Variants in SEMA5A observed in about 807,000 individuals in gnomAD.
The protein encoded by SEMA5A is semaphorin-5A.
In SEMA5A, 55 loss-of-function variants were observed where a neutral mutation model predicts 135.5. The ratio of observed to expected loss-of-function variants is 0.41; its 90% CI spans 0.33 to 0.51. The LOEUF (loss-of-function observed/expected upper bound fraction) is 0.51. Ranked by LOEUF, SEMA5A falls within the 20% of genes least tolerant of loss-of-function variation. SEMA5A has a pLI of 0.37. For missense variants in SEMA5A, 1,290 were observed against 1,419.9 expected, an observed-to-expected ratio of 0.91 and a Z score of 1.47; for synonymous variants, 580 against 546.5, an observed-to-expected ratio of 1.06 and a Z score of -0.85.
chr5:9,318,656 A>ACT (rs1276613962), intron 4 of SEMA5A, among the ~76,000 whole-genome samples: 13 of 152,338 alleles, frequency 8.5e-5, no homozygotes, highest in African/African-American at 2.6e-4. Flanking sequence ...GTGTCTGTAC[A>ACT]TACTTACGGT....
chr5:9,082,302 A>G (rs1206431038), intron 16 of SEMA5A, among the ~76,000 whole-genome samples: 1 of 152,158 alleles, frequency 6.6e-6, no homozygotes, highest in African/African-American at 2.4e-5. Context: ...TCCTTAGCCC[A>G]TTGATTCTGT....
At chr5:9,191,451 T>C (rs973948827) in intron 10 of SEMA5A, among the ~76,000 whole-genome samples, 7 of 152,218 alleles carry the variant, frequency 4.6e-5, no homozygotes, top group Non-Finnish European at 8.8e-5. Context: ...TAAACTTTAA[T>C]TCCTGGTACA....
intron 1 of SEMA5A, among the ~76,000 whole-genome samples, chr5:9,456,579 C>T (rs187422787): frequency 5.9e-4 from 90 of 152,276 alleles, no homozygotes; most frequent in South Asian, 2.9e-3. Flanking sequence ...CTCAGACTCC[C>T]GTCCCTTCAG....
At chr5:9,386,534 T>C (rs773508194) in intron 2 of SEMA5A, among the ~76,000 whole-genome samples, 6 of 152,142 alleles carry the variant, frequency 3.9e-5, no homozygotes, top group Non-Finnish European at 8.8e-5. Flanking sequence ...GCACCCTTGC[T>C]GATGTCATGA....
chr5:9,389,809 G>A (rs191230360), intron 2 of SEMA5A, among the ~76,000 whole-genome samples: 118 of 151,962 alleles, frequency 7.8e-4, no homozygotes, highest in African/African-American at 2.5e-3. Flanking sequence ...CTTTTCTCTC[G>A]TCCCTATCTG....
At chr5:9,417,747 A>G (rs187295279) in intron 2 of SEMA5A, among the ~76,000 whole-genome samples, 47 of 152,300 alleles carry the variant, frequency 3.1e-4, no homozygotes, top group African/African-American at 1.1e-3. Context: ...TACATTTATT[A>G]CATCTTTCCT....
intron 1 of SEMA5A, among the ~76,000 whole-genome samples, chr5:9,525,350 C>T (rs1289427750): frequency 6.6e-6 from 1 of 152,186 alleles, no homozygotes; most frequent in East Asian, 1.9e-4. Context: ...ACAGTAAAGG[C>T]ACCAGGATTT....
At position 9,338,873 on chromosome 5, in the gene SEMA5A, T is replaced by C. The variant is rs967059512; in HGVS notation, c.125-1061A>G. ...CCGTCTCATATCCTAAAGAAATCGC[T>C]TTGTTGATGTGAATGAGAGGGACTA... On this transcript the variant is annotated intron_variant, in intron 3 of 22. Coordinates refer to ENST00000382496, the MANE Select transcript of SEMA5A (RefSeq NM_003966.3). Among the ~76,000 whole-genome samples the C allele has an allele frequency of 5.9e-5, 9 of 152,102 alleles. No individual in the cohort carries two copies. The South Asian group carries it at 1.9e-3, about 32-fold the overall frequency.
At chr5:9,462,199 C>T (rs570700743) in intron 1 of SEMA5A, among the ~76,000 whole-genome samples, 5 of 152,264 alleles carry the variant, frequency 3.3e-5, no homozygotes, top group South Asian at 2.1e-4. Flanking sequence ...AAGACATACA[C>T]GCAGCCAAAA....
In SEMA5A at chr5:9,075,446, T is replaced by C. The variant is rs137878626; in HGVS notation, c.2074-8800A>G. Among the ~76,000 whole-genome samples, 11 of 152,100 alleles carry C rather than the reference T, an allele frequency of 7.2e-5. No individual in the cohort carries two copies. The East Asian group carries it at 1.7e-3, about 24-fold the overall frequency. On this transcript the variant is annotated intron_variant, in intron 16 of 22. Transcript: ENST00000382496. ...ACTCATATGGCCATCAGCAGATGGA[T>C]AGCTAAACGAATAATCTTATGGAAT...
intron 3 of SEMA5A, among the ~76,000 whole-genome samples, chr5:9,348,311 T>C (rs924530070): frequency 6.6e-6 from 1 of 152,240 alleles, no homozygotes; most frequent in African/African-American, 2.4e-5. Flanking sequence ...AGATAACTCC[T>C]AGAAGAAGCA....
At chr5:9,081,529 C>T (rs1738384212) in intron 16 of SEMA5A, among the ~76,000 whole-genome samples, 1 of 149,578 alleles carries the variant, frequency 6.7e-6, no homozygotes, top group Admixed American at 6.7e-5. Context: ...TCATTATCCT[C>T]TCGCTATGAT....
intron 21 of SEMA5A, among the ~76,000 whole-genome samples, chr5:9,044,928 A>G (rs563943016): frequency 6.6e-6 from 1 of 152,032 alleles, no homozygotes; most frequent in Admixed American, 6.5e-5. Flanking sequence ...TGGATTACAG[A>G]CATGTGCCAC....
At position 9,069,608 on chromosome 5, in the gene SEMA5A, G is replaced by A. The variant is rs144641743; in HGVS notation, c.2074-2962C>T. Among the ~76,000 whole-genome samples the A allele has an allele frequency of 3.0e-3, 448 of 151,636 alleles. 2 individuals carry two copies. Among genetic ancestry groups the A allele is most frequent in the African/African-American group, 7.6e-3 (313 of 41,348 alleles). ...ATTTATTTTTTATTTTTTTTACAGCGGATAACACTCAGGATTTTTGTGACA... is the reference window on the plus strand; with the variant it reads ...ATTTATTTTTTATTTTTTTTACAGCAGATAACACTCAGGATTTTTGTGACA... On this transcript the variant is annotated intron_variant, in intron 16 of 22. Transcript: ENST00000382496.
chr5:9,266,124 T>C (rs557495922), intron 5 of SEMA5A, among the ~76,000 whole-genome samples: 116 of 152,362 alleles, frequency 7.6e-4, no homozygotes, highest in African/African-American at 2.6e-3. Flanking sequence ...GTGCTACGTC[T>C]GCCTTGAGGG....
At chr5:9,437,159 C>T (rs1028110014) in intron 2 of SEMA5A, among the ~76,000 whole-genome samples, 1 of 152,158 alleles carries the variant, frequency 6.6e-6, no homozygotes, top group African/African-American at 2.4e-5. Context: ...GAGGTAACTG[C>T]AGGAGACAAA....
intron 1 of SEMA5A, among the ~76,000 whole-genome samples, chr5:9,476,859 C>G (rs761853086): frequency 1.2e-4 from 19 of 152,044 alleles, no homozygotes; most frequent in Non-Finnish European, 1.8e-4. Flanking sequence ...GACACATCAC[C>G]TGCGGCCAGG....
intron 18 of SEMA5A, among the ~76,000 whole-genome samples, chr5:9,056,392 G>C (rs1736893347): frequency 6.6e-6 from 1 of 152,172 alleles, no homozygotes; most frequent in Non-Finnish European, 1.5e-5. Context: ...CAATGGTGCA[G>C]CTGCCTCGGA....
intron 11 of SEMA5A, among the ~76,000 whole-genome samples, chr5:9,188,453 T>C (rs2150343028): frequency 6.6e-6 from 1 of 152,310 alleles, no homozygotes; most frequent in Non-Finnish European, 1.5e-5. Flanking sequence ...CATGACCTAC[T>C]TGGACTTACG....
Sources: allele counts gnomAD v4.1 joint callset (sites outside exome capture counted in the v4.1 genomes callset), GRCh38; gene constraint gnomAD v4.1.1; transcripts MANE v1.5; gene names NCBI Gene and HGNC (gene_info 2026-07-23, HGNC 2026-07-21).